Variants in MRPS28 observed in about 807,000 individuals in gnomAD.
MRPS28 encodes mitochondrial ribosomal protein S28, also known as small ribosomal subunit protein bS1m.
MRPS28 carries 7 observed loss-of-function variants against 10.8 expected under a neutral mutation model. The observed-to-expected ratio is 0.65, with a 90% CI of 0.37 to 1.22. The LOEUF (loss-of-function observed/expected upper bound fraction) is 1.22. Among genes scored for constraint, MRPS28 ranks in the 50% most tolerant of loss-of-function variants. The pLI is 0.02. For synonymous variants in MRPS28, 121 were observed against 93.3 expected, an observed-to-expected ratio of 1.30 and a Z score of -1.71; for missense variants, 265 against 232.9, an observed-to-expected ratio of 1.14 and a Z score of -0.90.
At position 79,954,210 on chromosome 8, in the gene MRPS28, T is replaced by TA. The variant is rs1420988873; in HGVS notation, c.396-35063dup. Among the ~76,000 whole-genome samples the TA allele has an allele frequency of 4.0e-5, 6 of 151,412 alleles. No individual in the cohort carries two copies. In the East Asian group the frequency reaches 9.7e-4, roughly 24 times the overall value. ...CTAGGCAATAGTGAGACCTCACCTC[T>TA]AAAAAAAAATTAAAAATTAAAACAT... On this transcript the variant is annotated intron_variant, in intron 2 of 2. Transcript: ENST00000276585.
intron 1 of MRPS28, among the ~76,000 whole-genome samples, chr8:80,017,451 A>T (rs899664653): frequency 6.6e-5 from 10 of 152,214 alleles, no homozygotes; most frequent in Non-Finnish European, 1.2e-4. Flanking sequence ...TCCCATGAAC[A>T]TTAAAGAAAT....
intron 2 of MRPS28, among the ~76,000 whole-genome samples, chr8:79,940,350 A>C (rs1198873492): frequency 6.6e-6 from 1 of 152,204 alleles, no homozygotes; most frequent in Non-Finnish European, 1.5e-5. Flanking sequence ...AAATCATTAA[A>C]CATTTTTCAT....
At chr8:79,961,736 T>C (rs1043870040) in intron 2 of MRPS28, among the ~76,000 whole-genome samples, 1 of 152,166 alleles carries the variant, frequency 6.6e-6, no homozygotes, top group Non-Finnish European at 1.5e-5. Flanking sequence ...TGGTTTGCTA[T>C]TTCTTACAAA....
intron 2 of MRPS28, among the ~76,000 whole-genome samples, chr8:79,934,307 T>C (rs143169576): frequency 3.3e-5 from 5 of 152,338 alleles, no homozygotes; most frequent in African/African-American, 1.2e-4. Flanking sequence ...GTTCAATCTC[T>C]AATTCAGCAA....
intron 2 of MRPS28, among the ~76,000 whole-genome samples, chr8:79,997,070 A>G (rs1808518612): frequency 6.6e-6 from 1 of 152,210 alleles, no homozygotes; most frequent in African/African-American, 2.4e-5. Context: ...GTAGGTTTTT[A>G]AAAAGCTGTT....
At chr8:79,940,187 A>T (rs1806730167) in intron 2 of MRPS28, among the ~76,000 whole-genome samples, 2 of 152,094 alleles carry the variant, frequency 1.3e-5, no homozygotes, top group African/African-American at 4.8e-5. Flanking sequence ...GGTAAAAAAG[A>T]TATTAGGTTT....
intron 2 of MRPS28, among the ~76,000 whole-genome samples, chr8:79,939,797 C>T (rs1399675518): frequency 6.6e-6 from 1 of 151,844 alleles, no homozygotes; most frequent in Non-Finnish European, 1.5e-5. Flanking sequence ...GGTGAAACCC[C>T]GTCTCTACTA....
chr8:79,956,901 TG>T (rs1807230209), intron 2 of MRPS28: 1 of 152,204 alleles, frequency 6.6e-6, no homozygotes, highest in Non-Finnish European at 1.5e-5. Context: ...AATTAACACA[TG>T]AACAGTTCTC....
intron 2 of MRPS28, among the ~76,000 whole-genome samples, chr8:79,970,091 T>A (rs566703519): frequency 6.6e-6 from 1 of 152,340 alleles, no homozygotes; most frequent in African/African-American, 2.4e-5. Flanking sequence ...AGTTCCATGA[T>A]ACTTTGTATA....
At chr8:79,982,653 C>A (rs148759318) in intron 2 of MRPS28, among the ~76,000 whole-genome samples, 1 of 152,206 alleles carries the variant, frequency 6.6e-6, no homozygotes, top group East Asian at 1.9e-4. Flanking sequence ...CACGGAGTCT[C>A]GCTGATTGCT....
At chr8:79,967,811 A>C (rs1807539178) in intron 2 of MRPS28, among the ~76,000 whole-genome samples, 1 of 152,142 alleles carries the variant, frequency 6.6e-6, no homozygotes, top group Admixed American at 6.6e-5. Flanking sequence ...TGCCCCAAGA[A>C]GCTGACGGGT....
chr8:79,971,029 C>T lies in MRPS28; in HGVS notation c.395+31970G>A, dbSNP rs116467343. 2.1e-3 allele frequency among the ~76,000 whole-genome samples: 327 copies of T among 152,250 alleles called. 5 individuals are homozygous for T. The highest frequency in any genetic ancestry group is 7.1e-3 in the African/African-American group (294 of 41,542). The stretch of plus-strand genomic sequence containing the variant: ...ACAATGGACTTTCCTTTAGAAGCCA[C>T]GAGAAGGGAGAGGAGGACAGCAGGA... On this transcript the variant is annotated intron_variant, in intron 2 of 2. Coordinates refer to ENST00000276585, the MANE Select transcript of MRPS28 (RefSeq NM_014018.3).
intron 2 of MRPS28, among the ~76,000 whole-genome samples, chr8:79,936,304 G>C (rs1157533031): frequency 6.6e-6 from 1 of 151,952 alleles, no homozygotes; most frequent in East Asian, 1.9e-4. Context: ...ACTCCAGCCT[G>C]GGTGACAGAG....
chr8:80,007,553 T>C (rs1808888226), intron 1 of MRPS28, among the ~76,000 whole-genome samples: 2 of 152,214 alleles, frequency 1.3e-5, no homozygotes, highest in Non-Finnish European at 2.9e-5. Context: ...CTCCTTAAGC[T>C]GATAAGAAAC....
Position 79,918,749 on chromosome 8 carries a change from C to A in MRPS28, c.*231G>T. 5.1e-6 allele frequency: 1 copy of A among 194,556 alleles called. No individual in the cohort carries two copies. The highest frequency in any genetic ancestry group is 9.7e-6 in the Non-Finnish European group (1 of 102,834). The allele number at this position is 194,556 out of a possible 1,614,324, so 12.1% of individuals were successfully genotyped here. A position where few individuals can be genotyped will look rare whatever the true frequency, so the allele number is the denominator to read the frequency against. ...CACTCAAAACGTATTTATTGAATGA[C>A]AATTTCTTAGTACAGTGTATACTAT... On this transcript the variant is annotated 3_prime_UTR_variant, in exon 3 of 3. Coordinates refer to ENST00000276585, the MANE Select transcript of MRPS28 (RefSeq NM_014018.3).
intron 2 of MRPS28, among the ~76,000 whole-genome samples, chr8:79,937,393 C>A: frequency 6.6e-6 from 1 of 152,120 alleles, no homozygotes; most frequent in South Asian, 2.1e-4. Context: ...ATTTGAGCGA[C>A]TGGGGGCAGA....
intron 2 of MRPS28, among the ~76,000 whole-genome samples, chr8:79,968,560 C>A (rs1807555295): frequency 6.6e-6 from 1 of 152,112 alleles, no homozygotes; most frequent in African/African-American, 2.4e-5. Flanking sequence ...CTGATTCCAA[C>A]CATTTTCTAG....
Sources: allele counts gnomAD v4.1 joint callset (sites outside exome capture counted in the v4.1 genomes callset), GRCh38; gene constraint gnomAD v4.1.1; transcripts MANE v1.5; gene names NCBI Gene and HGNC (gene_info 2026-07-23, HGNC 2026-07-21).